AGBL1: variants seen among roughly 807,000 people sequenced by gnomAD.
AGBL1 encodes AGBL carboxypeptidase 1, also known as cytosolic carboxypeptidase 4.
In AGBL1, 130 loss-of-function variants were observed where a neutral mutation model predicts 118.9. The observed-to-expected ratio is 1.09, with a 90% confidence interval of 0.95 to 1.26. The LOEUF (loss-of-function observed/expected upper bound fraction) is 1.26, where lower values mean the gene tolerates loss of function less well. Ranked by LOEUF, AGBL1 falls within the 50% of genes most tolerant of loss-of-function variation. The pLI, the probability that AGBL1 is intolerant of heterozygous loss-of-function variation, is 0.00. For missense variants in AGBL1, 1,584 were observed against 1,298.1 expected (o/e 1.22, Z -3.38); for synonymous variants, 555 against 478.9 (o/e 1.16, Z -2.08).
intron 22 of AGBL1, among the ~76,000 whole-genome samples, chr15:86,870,173 A>G (rs900320675): frequency 2.0e-5 from 3 of 152,140 alleles, no homozygotes; most frequent in Non-Finnish European, 4.4e-5. Flanking sequence ...AAGATCATCT[A>G]ATTGGAAAAG....
At chr15:86,299,160 G>A (rs1035863446) in intron 17 of AGBL1, among the ~76,000 whole-genome samples, 2 of 152,214 alleles carry the variant, frequency 1.3e-5, no homozygotes, top group African/African-American at 4.8e-5. Flanking sequence ...CAATAAAGAA[G>A]ACTTACTACT....
At chr15:86,881,953 C>G (rs1368440014) in intron 22 of AGBL1, among the ~76,000 whole-genome samples, 2 of 152,146 alleles carry the variant, frequency 1.3e-5, no homozygotes, top group Non-Finnish European at 2.9e-5. Context: ...ATCCAATCGC[C>G]TCCCACCAGC....
At chr15:86,645,737 G>C (rs942398032) in intron 21 of AGBL1, among the ~76,000 whole-genome samples, 1 of 152,182 alleles carries the variant, frequency 6.6e-6, no homozygotes, top group Non-Finnish European at 1.5e-5. Flanking sequence ...CAAGTACTCA[G>C]TCCAAGTTCA....
intron 22 of AGBL1, among the ~76,000 whole-genome samples, chr15:86,729,152 C>T (rs952082698): frequency 3.3e-5 from 5 of 152,176 alleles, no homozygotes; most frequent in African/African-American, 9.7e-5. Flanking sequence ...CTTGCCAGGT[C>T]TCTAGAGTAT....
intron 22 of AGBL1, among the ~76,000 whole-genome samples, chr15:86,694,951 A>G (rs1462700534): frequency 2.0e-5 from 3 of 152,096 alleles, no homozygotes; most frequent in Admixed American, 1.3e-4. Flanking sequence ...AACCCACTCA[A>G]TCATGGTGGA....
intron 5 of AGBL1, among the ~76,000 whole-genome samples, chr15:86,217,131 A>G (rs946941389): frequency 3.3e-5 from 5 of 152,110 alleles, no homozygotes; most frequent in African/African-American, 1.2e-4. Context: ...CATGGCATTT[A>G]TCACATCTAA....
At chr15:86,302,797 A>AG (rs1329056230) in intron 17 of AGBL1, among the ~76,000 whole-genome samples, 1 of 149,900 alleles carries the variant, frequency 6.7e-6, no homozygotes, top group Non-Finnish European at 1.5e-5. Context: ...AAAAAAAAAA[A>AG]AAGTAAATAG....
chr15:86,583,422 A>G (rs1222471388), intron 21 of AGBL1, among the ~76,000 whole-genome samples: 1 of 152,106 alleles, frequency 6.6e-6, no homozygotes, highest in East Asian at 1.9e-4. Flanking sequence ...CTTATAAGTG[A>G]GAACATGCAA....
chr15:86,131,822 C>G (rs1244554750), intron 1 of AGBL1, among the ~76,000 whole-genome samples: 1 of 151,778 alleles, frequency 6.6e-6, no homozygotes, highest in Non-Finnish European at 1.5e-5. Flanking sequence ...TGGTGGTGCA[C>G]TCCTGTAGTC....
At chr15:86,859,705 G>A (rs1180803708) in intron 22 of AGBL1, among the ~76,000 whole-genome samples, 1 of 152,168 alleles carries the variant, frequency 6.6e-6, no homozygotes, top group Non-Finnish European at 1.5e-5. Context: ...AAATCATGAA[G>A]GAGAGAGTAC....
intron 6 of AGBL1, among the ~76,000 whole-genome samples, chr15:86,247,186 T>C (rs937144517): frequency 6.6e-6 from 1 of 152,222 alleles, no homozygotes; most frequent in African/African-American, 2.4e-5. Flanking sequence ...ATGCCTTTTA[T>C]AGCAAAAGAA....
intron 18 of AGBL1, among the ~76,000 whole-genome samples, chr15:86,416,093 G>A (rs56348455): frequency 0.033 from 5,052 of 152,114 alleles, 280 homozygotes; most frequent in African/African-American, 0.12. Flanking sequence ...TCTTTCAGAA[G>A]GTACCCCCTC....
intron 3 of AGBL1, among the ~76,000 whole-genome samples, chr15:86,149,702 A>G (rs1408834988): frequency 6.6e-6 from 1 of 152,178 alleles, no homozygotes; most frequent in African/African-American, 2.4e-5. Context: ...CCCATTGTCA[A>G]TATTAGACAG....
rs554452083 is a variant in AGBL1, at chr15:86,538,970, A to G, written c.2686-7032A>G. 2.0e-3 allele frequency among the ~76,000 whole-genome samples: 311 copies of G among 152,372 alleles called. 1 individual carries two copies. Among genetic ancestry groups the G allele is most frequent in the Non-Finnish European group, 2.5e-3 (172 of 68,038 alleles). On this transcript the variant is annotated intron_variant, in intron 19 of 22. Coordinates refer to ENST00000614907, the MANE Select transcript of AGBL1 (RefSeq NM_001386094.1). ...GAAGCATGGCAATCTGGTCCTCATC[A>G]GCTTCTTTGCGGAGCAAGAAATCAT...
intron 24 of AGBL1, among the ~76,000 whole-genome samples, chr15:87,005,913 C>G (rs2081495398): frequency 6.6e-6 from 1 of 152,206 alleles, no homozygotes; most frequent in Admixed American, 6.5e-5. Flanking sequence ...CCTTTTAACA[C>G]TCAGGACCCT....
At chr15:86,640,773 T>A (rs988103914) in intron 21 of AGBL1, among the ~76,000 whole-genome samples, 3 of 152,150 alleles carry the variant, frequency 2.0e-5, no homozygotes, top group Non-Finnish European at 1.5e-5. Context: ...TATGACCTTT[T>A]AAAATATATT....
chr15:86,138,542 G>C (rs910192201), intron 1 of AGBL1, among the ~76,000 whole-genome samples: 1 of 152,190 alleles, frequency 6.6e-6, no homozygotes, highest in African/African-American at 2.4e-5. Context: ...TGCCCAGCTT[G>C]GTGGCTGGAA....
chr15:86,718,863 C>T (rs530529123), intron 22 of AGBL1, among the ~76,000 whole-genome samples: 2 of 152,210 alleles, frequency 1.3e-5, no homozygotes, highest in South Asian at 4.1e-4. Context: ...GGTGATTCCA[C>T]CAAGTTAACT....
In AGBL1 at chr15:86,380,030, C is replaced by A. The variant is rs983548779; in HGVS notation, c.2375-17336C>A. On this transcript the variant is annotated intron_variant, in intron 17 of 22. Coordinates refer to ENST00000614907, the MANE Select transcript of AGBL1 (RefSeq NM_001386094.1). ...GCCTATCTCTGGCACAATCCTTTGG[C>A]ATGGTCTAGGGGATTGTTTTAAACC... 7.2e-5 allele frequency among the ~76,000 whole-genome samples: 11 copies of A among 152,172 alleles called. No homozygotes were observed. The East Asian group carries it at 7.7e-4, about 11-fold the overall frequency.
Sources: allele counts gnomAD v4.1 joint callset (sites outside exome capture counted in the v4.1 genomes callset), GRCh38; gene constraint gnomAD v4.1.1; transcripts MANE v1.5; gene names NCBI Gene and HGNC (gene_info 2026-07-23, HGNC 2026-07-21).